Variants in FIP1L1 observed in about 807,000 individuals in gnomAD.
FIP1L1 encodes factor interacting with PAPOLA and CPSF1.
In FIP1L1, 21 loss-of-function variants were observed where a neutral mutation model predicts 84.6. The ratio of observed to expected loss-of-function variants is 0.25; its 90% CI spans 0.18 to 0.36. The LOEUF (loss-of-function observed/expected upper bound fraction) is 0.36. Ranked by LOEUF, FIP1L1 falls within the 10% of genes least tolerant of loss-of-function variation. FIP1L1 has a pLI of 1.00. For missense variants in FIP1L1, 526 were observed against 751.1 expected (o/e 0.70, Z 3.50); for synonymous variants, 263 against 242.3 (o/e 1.09, Z -0.80).
intron 12 of FIP1L1, among the ~76,000 whole-genome samples, chr4:53,426,892 T>A (rs1202271631): frequency 6.6e-6 from 1 of 152,200 alleles, no homozygotes; most frequent in Non-Finnish European, 1.5e-5. Context: ...GTTAGAACTT[T>A]AATAACTGAG....
intron 5 of FIP1L1, among the ~76,000 whole-genome samples, chr4:53,384,320 A>G (rs1739713893): frequency 6.6e-6 from 1 of 152,094 alleles, no homozygotes; most frequent in East Asian, 1.9e-4. Context: ...AAGGCAGGAG[A>G]ATCACTTGAA....
chr4:53,459,519 T>A lies in FIP1L1; in HGVS notation c.*70T>A. On this transcript the variant is annotated 3_prime_UTR_variant, in exon 18 of 18. Transcript: ENST00000337488. The stretch of plus-strand genomic sequence containing the variant: ...CTATAAATCTTGTTATTTTTCTGGA[T>A]AATGTTTAAGAAATTTACCTTAAAT... 6.3e-7 allele frequency: 1 copy of A among 1,598,048 alleles called. No homozygotes were observed. Among genetic ancestry groups the A allele is most frequent in the East Asian group, 2.2e-5 (1 of 44,792 alleles).
intron 12 of FIP1L1, among the ~76,000 whole-genome samples, chr4:53,426,660 TATTATA>T (rs1443207315): frequency 4.6e-5 from 7 of 152,192 alleles, no homozygotes; most frequent in African/African-American, 1.7e-4. Flanking sequence ...ATTGGGATAC[TATTATA>T]ATTATATTTC....
At position 53,391,378 on chromosome 4, in the gene FIP1L1, A is replaced by G. The variant is rs1051477556; in HGVS notation, c.637-52A>G. On this transcript the variant is annotated intron_variant, in intron 8 of 17. Coordinates refer to ENST00000337488, the MANE Select transcript of FIP1L1 (RefSeq NM_030917.4). The stretch of plus-strand genomic sequence containing the variant: ...CAGCTAGTTTGTCTTTATATGGCCT[A>G]TTAATTAAATATTATGTGGTATCTT... 8.2e-6 allele frequency: 12 copies of G among 1,468,484 alleles called. No individual in the cohort carries two copies. In the Admixed American group the frequency reaches 1.2e-4, roughly 15 times the overall value. The allele number at this position is 1,468,484 out of a possible 1,614,324, so 91.0% of individuals were successfully genotyped here.
At chr4:53,431,304 T>G (rs1766548598) in intron 13 of FIP1L1, among the ~76,000 whole-genome samples, 1 of 152,224 alleles carries the variant, frequency 6.6e-6, no homozygotes, top group South Asian at 2.1e-4. Flanking sequence ...CGTAGTTTGT[T>G]GTAATTTAAA....
At chr4:53,421,696 A>G (rs937143460) in intron 11 of FIP1L1, among the ~76,000 whole-genome samples, 1 of 152,232 alleles carries the variant, frequency 6.6e-6, no homozygotes, top group Non-Finnish European at 1.5e-5. Flanking sequence ...GTGAGAAAAC[A>G]TTCATAGATG....
chr4:53,448,549 C>G (rs1255021041), intron 15 of FIP1L1, among the ~76,000 whole-genome samples: 2 of 151,954 alleles, frequency 1.3e-5, no homozygotes, highest in Non-Finnish European at 2.9e-5. Context: ...TTATGTAATC[C>G]TGACAGTTTT....
At chr4:53,386,476 A>G (rs1346070838) in intron 5 of FIP1L1, among the ~76,000 whole-genome samples, 1 of 152,182 alleles carries the variant, frequency 6.6e-6, no homozygotes. Flanking sequence ...GTGAGTAAAT[A>G]TTTTCAGTGC....
chr4:53,415,813 CATCTCAAAG>C (rs762926861), intron 11 of FIP1L1, among the ~76,000 whole-genome samples: 145 of 152,220 alleles, frequency 9.5e-4, no homozygotes, highest in Non-Finnish European at 1.8e-3. Flanking sequence ...AGTGGATATA[CATCTCAAAG>C]TAAGAATGTC....
At chr4:53,425,799 T>G in intron 11 of FIP1L1, 73 bp from the exon 12 acceptor site, 1 of 1,097,866 alleles carries the variant, frequency 9.1e-7, no homozygotes, top group South Asian at 1.5e-5. Flanking sequence ...TTTGTTTTTA[T>G]TTCTCACTGC....
intron 16 of FIP1L1, 111 bp downstream of exon 16, chr4:53,453,244 G>A: frequency 3.3e-6 from 4 of 1,227,574 alleles, no homozygotes; most frequent in South Asian, 1.4e-5. Context: ...TGCTCAGGGA[G>A]TACATAGGAA....
intron 11 of FIP1L1, among the ~76,000 whole-genome samples, chr4:53,417,412 C>G (rs1041573895): frequency 6.6e-6 from 1 of 151,948 alleles, no homozygotes; most frequent in African/African-American, 2.4e-5. Context: ...GAGGCCGAGG[C>G]AGGCAGATCA....
rs778858638 is a variant in FIP1L1, at chr4:53,377,824, G to T, written c.-15G>T. On this transcript the variant is annotated 5_prime_UTR_variant, in exon 1 of 18. Transcript: ENST00000337488. Reference sequence around the variant, plus strand: ...GGCTGTTGATCGCCGCGTTTAAGTTGCGCTCGGGGCGGCCATGTCGGCCGG... The same window carrying T: ...GGCTGTTGATCGCCGCGTTTAAGTTTCGCTCGGGGCGGCCATGTCGGCCGG... The T allele has an allele frequency of 6.4e-7, 1 of 1,553,464 alleles. No homozygotes were observed.
In FIP1L1 at chr4:53,460,626, A is replaced by ATCAG. The variant is rs1721812944; in HGVS notation, c.*1180_*1181insGTCA. On this transcript the variant is annotated 3_prime_UTR_variant, in exon 18 of 18. Transcript: ENST00000337488. ...AGCTTGAATTCAGTGGGGTATACAA[A>ATCAG]TCATTTTAGTTGTTTTAGGGCTTTT... 3.1e-6 allele frequency: 1 copy of ATCAG among 326,888 alleles called. No individual in the cohort carries two copies. The highest frequency in any genetic ancestry group is 5.7e-5 in the South Asian group (1 of 17,466). The allele number at this position is 326,888 out of a possible 1,614,324, so 20.2% of individuals were successfully genotyped here. A position where few individuals can be genotyped will look rare whatever the true frequency, so the allele number is the denominator to read the frequency against.
At chr4:53,404,467 GA>G (rs1752094110) in intron 10 of FIP1L1, among the ~76,000 whole-genome samples, 1 of 152,040 alleles carries the variant, frequency 6.6e-6, no homozygotes, top group Non-Finnish European at 1.5e-5. Flanking sequence ...TGCTGCAATA[GA>G]CATACGTGTG....
rs79276443 is a variant in FIP1L1, at chr4:53,428,137, A to C, written c.1128A>C (p.Pro376=). 6.2e-7 allele frequency: 1 copy of C among 1,605,900 alleles called. No individual in the cohort carries two copies. Among genetic ancestry groups the C allele is most frequent in the Non-Finnish European group, 8.5e-7 (1 of 1,174,594 alleles). ...ACCTTCCACCTCCTCCATTTCTTCC[A>C]CCTCCTCCGACTGTCAGCACTGCTC... ...PTHLPPPPFL[P]PPPTVSTAPP... The change falls in exon 13 of 18, where the codon CCA becomes CCC. Residue 376 remains proline, a synonymous_variant. Coordinates refer to ENST00000337488, the MANE Select transcript of FIP1L1 (RefSeq NM_030917.4).
intron 8 of FIP1L1, 23 bp from the exon 9 acceptor site, chr4:53,391,407 G>A: frequency 6.3e-7 from 1 of 1,593,490 alleles, no homozygotes; most frequent in Non-Finnish European, 8.6e-7. Flanking sequence ...GTATCTTAAT[G>A]GGGAATATGT....
intron 13 of FIP1L1, among the ~76,000 whole-genome samples, chr4:53,436,821 G>A (rs1326325618): frequency 6.6e-6 from 1 of 151,674 alleles, no homozygotes; most frequent in African/African-American, 2.4e-5. Flanking sequence ...CTTTGCCTCA[G>A]TTCTTTCAAT....
chr4:53,378,802 T>G, intron 1 of FIP1L1: 1 of 458,892 alleles, frequency 2.2e-6, no homozygotes, highest in Non-Finnish European at 3.9e-6. Context: ...TAGAATAGAA[T>G]AGTAAAAGTG....
Sources: allele counts gnomAD v4.1 joint callset (sites outside exome capture counted in the v4.1 genomes callset), GRCh38; gene constraint gnomAD v4.1.1; transcripts MANE v1.5; gene names NCBI Gene and HGNC (gene_info 2026-07-23, HGNC 2026-07-21).